The following UHRF2 variants were observed in gnomAD, a reference collection of about 807,000 sequenced individuals.
UHRF2 encodes the protein E3 ubiquitin-protein ligase UHRF2.
In UHRF2, 23 loss-of-function variants were observed where a neutral mutation model predicts 96.8. The observed-to-expected ratio is 0.24, with a 90% confidence interval of 0.17 to 0.34. The LOEUF is 0.34. UHRF2 is among the 10% of genes least tolerant of loss of function. The probability of loss-of-function intolerance (pLI) is 1.00; values close to 1 mark genes in which losing one functional copy is unlikely to be tolerated. For missense variants in UHRF2, 685 were observed against 981.5 expected, an observed-to-expected ratio of 0.70 and a Z score of 4.04; for synonymous variants, 385 against 332.6, an observed-to-expected ratio of 1.16 and a Z score of -1.72.
chr9:6,471,111 T>C (rs1563784456), intron 4 of UHRF2, among the ~76,000 whole-genome samples: 1 of 152,306 alleles, frequency 6.6e-6, no homozygotes, highest in Admixed American at 6.5e-5. Flanking sequence ...TCAAATCCCC[T>C]TAAATGTCCT....
rs376067226 is a variant in UHRF2 at position 6,443,445 on chromosome 9, C to T, written c.644+9272C>T. ...TAAGTAGCAGGCAGATTCCAAAAAGCGCATGCTTGCAACTACTCTACCATA... is the reference window on the plus strand; with the variant it reads ...TAAGTAGCAGGCAGATTCCAAAAAGTGCATGCTTGCAACTACTCTACCATA... On this transcript the variant is annotated intron_variant, in intron 3 of 15. Coordinates refer to ENST00000276893, the MANE Select transcript of UHRF2 (RefSeq NM_152896.3). 2.1e-4 allele frequency among the ~76,000 whole-genome samples: 32 copies of T among 152,280 alleles called. No individual in the cohort carries two copies. The East Asian group carries it at 5.0e-3, about 24-fold the overall frequency.
At chr9:6,428,962 C>G (rs1005688458) in intron 2 of UHRF2, among the ~76,000 whole-genome samples, 5 of 152,082 alleles carry the variant, frequency 3.3e-5, no homozygotes, top group African/African-American at 1.2e-4. Context: ...GTCAGGAATT[C>G]GAGACCAGCC....
At chr9:6,437,951 A>G (rs975035581) in intron 3 of UHRF2, among the ~76,000 whole-genome samples, 3 of 152,136 alleles carry the variant, frequency 2.0e-5, no homozygotes, top group African/African-American at 7.2e-5. Flanking sequence ...AAACCAGATG[A>G]TGCTGCTGTT....
At chr9:6,487,191 T>A (rs971367434) in intron 9 of UHRF2, among the ~76,000 whole-genome samples, 2 of 129,084 alleles carry the variant, frequency 1.5e-5, no homozygotes, top group African/African-American at 6.0e-5. Flanking sequence ...CCTTTTTTTT[T>A]TTTTTTTTTT....
chr9:6,479,159 T>A (rs1455726109), intron 6 of UHRF2, among the ~76,000 whole-genome samples: 1 of 152,136 alleles, frequency 6.6e-6, no homozygotes, highest in Non-Finnish European at 1.5e-5. Context: ...CGTTCTCTGC[T>A]TCTTTCATGC....
chr9:6,448,229 TA>T (rs1262020381), intron 3 of UHRF2, among the ~76,000 whole-genome samples: 1 of 152,124 alleles, frequency 6.6e-6, no homozygotes, highest in Non-Finnish European at 1.5e-5. Flanking sequence ...GGAATGTAGA[TA>T]AATTAATGAT....
intron 2 of UHRF2, among the ~76,000 whole-genome samples, chr9:6,424,422 T>TC (rs1563744033): frequency 2.0e-5 from 3 of 152,240 alleles, no homozygotes; most frequent in Non-Finnish European, 4.4e-5. Flanking sequence ...GCCATTTTTT[T>TC]CTATATTACT....
At chr9:6,458,709 A>G (rs949797053) in intron 3 of UHRF2, among the ~76,000 whole-genome samples, 2 of 152,158 alleles carry the variant, frequency 1.3e-5, no homozygotes, top group African/African-American at 2.4e-5. Context: ...CAGTCCCATT[A>G]CTGGGTGGTG....
rs1264968803 is a variant in UHRF2 at position 6,499,840 on chromosome 9, A to G, written c.1914A>G (p.Pro638=). 1.3e-6 allele frequency: 2 copies of G among 1,530,806 alleles called. No individual in the cohort carries two copies. The highest frequency in any genetic ancestry group is 3.5e-5 in the Admixed American group (2 of 57,168). 94.8% of individuals were successfully genotyped at this position (1,530,806 alleles called of 1,614,324 possible). Reference sequence around the variant, plus strand: ...CCCTCCTCCCCCCCCATCAGTATCCAGCAGGTTACCCTTCAGATAAAGAAG... The same window carrying G: ...CCCTCCTCCCCCCCCATCAGTATCCGGCAGGTTACCCTTCAGATAAAGAAG... The part of the protein sequence containing the change: ...SRRLCLRLQY[P]AGYPSDKEGK... Residue 638 remains proline (P), a synonymous_variant, in exon 13 of 16, where the codon CCA becomes CCG. Coordinates refer to ENST00000276893, the MANE Select transcript of UHRF2 (RefSeq NM_152896.3).
At chr9:6,464,196 T>C (rs759428005) in intron 4 of UHRF2, among the ~76,000 whole-genome samples, 4 of 152,178 alleles carry the variant, frequency 2.6e-5, no homozygotes, top group Non-Finnish European at 5.9e-5. Flanking sequence ...CCTAGTGGGG[T>C]TGAGAATCTT....
chr9:6,420,830 T>C (rs1179286319), intron 1 of UHRF2, 82 bp from the exon 2 acceptor site: 1 of 1,126,016 alleles, frequency 8.9e-7, no homozygotes, highest in Non-Finnish European at 1.3e-6. Flanking sequence ...GATTTTAAGT[T>C]TGGCTAGGAC....
intron 15 of UHRF2, among the ~76,000 whole-genome samples, chr9:6,505,318 C>T (rs935129695): frequency 2.6e-5 from 4 of 151,626 alleles, no homozygotes; most frequent in African/African-American, 4.9e-5. Context: ...TATTTTTTGA[C>T]GGAATCTCAC....
chr9:6,455,527 C>G (rs992758902), intron 3 of UHRF2, among the ~76,000 whole-genome samples: 16 of 152,126 alleles, frequency 1.1e-4, no homozygotes, highest in Non-Finnish European at 1.0e-4. Flanking sequence ...TTTTCTTAAT[C>G]CAGTCTATCA....
At chr9:6,435,317 G>C (rs1055876959) in intron 3 of UHRF2, among the ~76,000 whole-genome samples, 1 of 151,942 alleles carries the variant, frequency 6.6e-6, no homozygotes, top group Non-Finnish European at 1.5e-5. Context: ...GTAGAGATGT[G>C]GTCTCACTAT....
intron 3 of UHRF2, among the ~76,000 whole-genome samples, chr9:6,458,658 A>G (rs1213777228): frequency 1.3e-5 from 2 of 152,096 alleles, no homozygotes; most frequent in African/African-American, 2.4e-5. Context: ...GTGGAAGACA[A>G]TTCCTCAAGG....
intron 4 of UHRF2, among the ~76,000 whole-genome samples, chr9:6,464,738 C>T (rs1822758966): frequency 6.6e-6 from 1 of 152,118 alleles, no homozygotes; most frequent in Non-Finnish European, 1.5e-5. Context: ...ATCCTTTTGA[C>T]TTCTCTATTC....
At chr9:6,488,728 C>T (rs1386126361) in intron 9 of UHRF2, among the ~76,000 whole-genome samples, 1 of 151,478 alleles carries the variant, frequency 6.6e-6, no homozygotes, top group African/African-American at 2.4e-5. Flanking sequence ...TCTGGAACTC[C>T]TGGCCTCAGG....
intron 3 of UHRF2, among the ~76,000 whole-genome samples, chr9:6,452,968 A>G (rs930748540): frequency 1.3e-5 from 2 of 152,076 alleles, no homozygotes; most frequent in Non-Finnish European, 2.9e-5. Flanking sequence ...GAGTAGTTTT[A>G]TGTTCCTTTT....
rs1295572826 is a variant in UHRF2 at position 6,413,701 on chromosome 9, C to T, written c.153+58C>T. On this transcript the variant is annotated intron_variant, in intron 1 of 15. Transcript: ENST00000276893. ...TGGGGGCCGGAACAGCTGGGCTCCT[C>T]TGGACGCACCGGTCCGAGGGCTCTG... The T allele has an allele frequency of 2.8e-6, 4 of 1,437,882 alleles. No individual in the cohort carries two copies. In the Admixed American group the frequency reaches 8.0e-5, roughly 29 times the overall value. The allele number at this position is 1,437,882 out of a possible 1,614,324, so 89.1% of individuals were successfully genotyped here. A position where few individuals can be genotyped will look rare whatever the true frequency, so the allele number is the denominator to read the frequency against.
Sources: allele counts gnomAD v4.1 joint callset (sites outside exome capture counted in the v4.1 genomes callset), GRCh38; gene constraint gnomAD v4.1.1; transcripts MANE v1.5; gene names NCBI Gene and HGNC (gene_info 2026-07-23, HGNC 2026-07-21).